The following SYNPR variants were observed in gnomAD, a reference collection of about 807,000 sequenced individuals.
SYNPR encodes synaptoporin.
A neutral mutation model predicts 32.9 loss-of-function variants in SYNPR; 23 were observed. That is an observed-to-expected ratio of 0.70 (90% confidence interval 0.50 to 0.99). The LOEUF (loss-of-function observed/expected upper bound fraction) is 0.99. Ranked by LOEUF, SYNPR falls within the 50% of genes least tolerant of loss-of-function variation. SYNPR has a pLI of 0.00. For missense variants in SYNPR, 318 were observed against 349.3 expected (o/e 0.91, Z 0.71); for synonymous variants, 146 against 135.9 (o/e 1.07, Z -0.52).
At chr3:63,221,330 G>T in the SYNPR span, among the ~76,000 whole-genome samples, 1 of 152,122 alleles carries the variant, frequency 6.6e-6, no homozygotes, top group Non-Finnish European at 1.5e-5. Context: ...GAGAAGAAAA[G>T]GGGGCTCTAG....
chr3:63,247,295 C>A (rs1250039929), intron 1 of SYNPR, among the ~76,000 whole-genome samples: 1 of 151,732 alleles, frequency 6.6e-6, no homozygotes, highest in African/African-American at 2.4e-5. Flanking sequence ...TCCTGCACAA[C>A]TTGCTTTTCC....
chr3:63,417,554 C>T (rs113933551), intron 2 of SYNPR, among the ~76,000 whole-genome samples: 7,595 of 152,346 alleles, frequency 0.05, 278 homozygotes, highest in Non-Finnish European at 0.082. Context: ...CATTTCCCTT[C>T]TGCACTTCCC....
chr3:63,614,715 T>C (rs1700252283), intron 5 of SYNPR, among the ~76,000 whole-genome samples: 1 of 152,230 alleles, frequency 6.6e-6, no homozygotes, highest in Admixed American at 6.5e-5. Context: ...GCAAAAGCAG[T>C]ATCTCTAACC....
At chr3:63,287,376 A>T (rs1399691142) in intron 2 of SYNPR, among the ~76,000 whole-genome samples, 2 of 151,846 alleles carry the variant, frequency 1.3e-5, no homozygotes, top group African/African-American at 2.4e-5. Flanking sequence ...TTCTCCCTTC[A>T]GTGTCAATGT....
At chr3:63,236,263 T>C (rs2086199590) in intron 1 of SYNPR, among the ~76,000 whole-genome samples, 1 of 152,108 alleles carries the variant, frequency 6.6e-6, no homozygotes, top group Non-Finnish European at 1.5e-5. Flanking sequence ...TATCACACTG[T>C]TCAGATTACT....
chr3:63,278,328 G>A lies in SYNPR; in HGVS notation c.-206G>A. 1 of 615,656 alleles carries A rather than the reference G, an allele frequency of 1.6e-6. No individual in the cohort carries two copies. 38.1% of individuals were successfully genotyped at this position (615,656 alleles called of 1,614,324 possible). A position where few individuals can be genotyped will look rare whatever the true frequency, so the allele number is the denominator to read the frequency against. ...TGCCCACCCCTCGCTGACTCGCTTC[G>A]CTTCCCCGACGCGCTGGGTTCCCGG... On this transcript the variant is annotated 5_prime_UTR_variant, in exon 1 of 6. Transcript: ENST00000478300.
chr3:63,285,841 G>A (rs547994551), intron 2 of SYNPR, among the ~76,000 whole-genome samples: 78 of 152,278 alleles, frequency 5.1e-4, no homozygotes, highest in Middle Eastern at 3.4e-3. Context: ...ACTTCAAAGT[G>A]ATGCTATCAT....
intron 3 of SYNPR, among the ~76,000 whole-genome samples, chr3:63,520,470 C>T (rs1490631315): frequency 6.6e-6 from 1 of 151,950 alleles, no homozygotes; most frequent in African/African-American, 2.4e-5. Flanking sequence ...GTCAGGAGTT[C>T]GAGACCAGCC....
intron 2 of SYNPR, among the ~76,000 whole-genome samples, chr3:63,401,628 G>C (rs1469333203): frequency 6.6e-6 from 1 of 152,018 alleles, no homozygotes; most frequent in African/African-American, 2.4e-5. Flanking sequence ...CGTGTGTCTA[G>C]CCCAGAGCAG....
upstream of SYNPR, among the ~76,000 whole-genome samples, chr3:63,277,964 T>C (rs77988843): frequency 0.015 from 2,245 of 152,226 alleles, 45 homozygotes; most frequent in African/African-American, 0.05. Flanking sequence ...TTTTATGTAT[T>C]TATCATTATT....
chr3:63,539,140 G>A (rs1702257739), intron 3 of SYNPR, among the ~76,000 whole-genome samples: 1 of 152,010 alleles, frequency 6.6e-6, no homozygotes, highest in South Asian at 2.1e-4. Context: ...GTTTCAGTTT[G>A]AAGTTTTTGC....
At chr3:63,543,989 G>A (rs936191037) in intron 3 of SYNPR, among the ~76,000 whole-genome samples, 19 of 152,068 alleles carry the variant, frequency 1.2e-4, no homozygotes, top group African/African-American at 4.6e-4. Context: ...CAAAGGAGTG[G>A]CCATGATCCA....
At chr3:63,207,311 G>A in the SYNPR span, among the ~76,000 whole-genome samples, 17 of 152,246 alleles carry the variant, frequency 1.1e-4, no homozygotes, top group Middle Eastern at 3.4e-3. Flanking sequence ...CCTCTATAAA[G>A]CATTCTGGCA....
intron 4 of SYNPR, among the ~76,000 whole-genome samples, chr3:63,578,638 C>T (rs945147534): frequency 1.3e-5 from 2 of 152,116 alleles, no homozygotes; most frequent in African/African-American, 4.8e-5. Context: ...GATCTCCCAT[C>T]TAAAAGATTT....
intron 4 of SYNPR, among the ~76,000 whole-genome samples, chr3:63,563,046 T>C (rs1702718360): frequency 6.6e-6 from 1 of 152,176 alleles, no homozygotes; most frequent in African/African-American, 2.4e-5. Flanking sequence ...TTAATTTTAA[T>C]TATTCTCCTG....
At chr3:63,406,548 G>A (rs1043883188) in intron 2 of SYNPR, among the ~76,000 whole-genome samples, 4 of 151,848 alleles carry the variant, frequency 2.6e-5, no homozygotes, top group Non-Finnish European at 2.9e-5. Flanking sequence ...GGCCAGAGCC[G>A]AGCCTGACTC....
intron 2 of SYNPR, among the ~76,000 whole-genome samples, chr3:63,378,171 AT>A (rs1476492790): frequency 1.3e-5 from 2 of 151,954 alleles, no homozygotes; most frequent in Non-Finnish European, 2.9e-5. Context: ...ATATTTTGTA[AT>A]GTAACTTTGA....
At chr3:63,312,891 G>A (rs1485467173) in intron 2 of SYNPR, among the ~76,000 whole-genome samples, 4 of 151,960 alleles carry the variant, frequency 2.6e-5, no homozygotes, top group African/African-American at 9.7e-5. Flanking sequence ...GGTGAGATGA[G>A]TCTCCTTTTC....
intron 2 of SYNPR, among the ~76,000 whole-genome samples, chr3:63,468,602 A>T (rs1189246321): frequency 6.6e-6 from 1 of 152,090 alleles, no homozygotes; most frequent in Admixed American, 6.6e-5. Flanking sequence ...GGAGTTTGAG[A>T]TCAGCCTGGC....
Sources: allele counts gnomAD v4.1 joint callset (sites outside exome capture counted in the v4.1 genomes callset), GRCh38; gene constraint gnomAD v4.1.1; transcripts MANE v1.5; gene names NCBI Gene and HGNC (gene_info 2026-07-23, HGNC 2026-07-21).